The following GLIS3 variants were observed in gnomAD, a reference collection of about 807,000 sequenced individuals.
The protein encoded by GLIS3 is zinc finger protein GLIS3.
GLIS3 carries 53 observed loss-of-function variants against 78.6 expected under a neutral mutation model. That is an observed-to-expected ratio of 0.67 (90% CI 0.54 to 0.85). The LOEUF (loss-of-function observed/expected upper bound fraction) is 0.85. GLIS3 is among the 40% of genes least tolerant of loss of function. The pLI, the probability that GLIS3 is intolerant of heterozygous loss-of-function variation, is 0.00. For synonymous variants in GLIS3, 684 were observed against 509.9 expected, an observed-to-expected ratio of 1.34 and a Z score of -4.60; for missense variants, 1,703 against 1,231.1, an observed-to-expected ratio of 1.38 and a Z score of -5.74.
upstream of GLIS3, among the ~76,000 whole-genome samples, chr9:4,351,684 G>A (rs936974617): frequency 2.0e-5 from 3 of 152,098 alleles, no homozygotes; most frequent in African/African-American, 7.2e-5. Flanking sequence ...TTAAAAAAAT[G>A]TTGTTTTTCC....
At chr9:4,041,716 G>A (rs758400841) in intron 4 of GLIS3, among the ~76,000 whole-genome samples, 26 of 152,210 alleles carry the variant, frequency 1.7e-4, no homozygotes, top group African/African-American at 3.9e-4. Context: ...CTCTGAAAAC[G>A]TGAAGCTCTC....
At chr9:4,282,230 C>T (rs1242647950) in intron 2 of GLIS3, among the ~76,000 whole-genome samples, 1 of 152,046 alleles carries the variant, frequency 6.6e-6, no homozygotes, top group African/African-American at 2.4e-5. Context: ...TGTACCTTGC[C>T]CCAAAGCAAT....
At chr9:4,324,903 G>C (rs1817579620) in intron 2 of GLIS3, among the ~76,000 whole-genome samples, 1 of 152,134 alleles carries the variant, frequency 6.6e-6, no homozygotes, top group Non-Finnish European at 1.5e-5. Context: ...TACAACCTTA[G>C]GTAGTATCTT....
At chr9:4,338,162 A>G (rs1302944567) in intron 2 of GLIS3, among the ~76,000 whole-genome samples, 2 of 152,100 alleles carry the variant, frequency 1.3e-5, no homozygotes, top group African/African-American at 4.8e-5. Flanking sequence ...TCCTGACTAG[A>G]CAAGTTTCCT....
chr9:4,332,344 C>T (rs1817698864), intron 2 of GLIS3, among the ~76,000 whole-genome samples: 1 of 152,228 alleles, frequency 6.6e-6, no homozygotes, highest in African/African-American at 2.4e-5. Context: ...CTATCACCTT[C>T]TTCCTCTCAG....
intron 2 of GLIS3, among the ~76,000 whole-genome samples, chr9:4,332,464 G>T (rs1817700163): frequency 6.6e-6 from 1 of 152,146 alleles, no homozygotes; most frequent in African/African-American, 2.4e-5. Context: ...CCAGTACACA[G>T]AATCTTTTTC....
At chr9:4,383,079 T>G in the GLIS3 span, among the ~76,000 whole-genome samples, 3 of 152,202 alleles carry the variant, frequency 2.0e-5, no homozygotes, top group Non-Finnish European at 4.4e-5. Context: ...TAACTTGGGT[T>G]TTCTGAAAGG....
At chr9:4,372,401 T>C in the GLIS3 span, among the ~76,000 whole-genome samples, 489 of 152,226 alleles carry the variant, frequency 3.2e-3, 3 homozygotes, top group African/African-American at 0.011. Flanking sequence ...CTCCCATGGT[T>C]AGCTAATTCC....
upstream of GLIS3, among the ~76,000 whole-genome samples, chr9:4,300,334 T>C (rs1459836527): frequency 0.013 from 60 of 4,474 alleles, no homozygotes; most frequent in Admixed American, 0.19. Context: ...TTTGTTAAAC[T>C]GACTTATTTT....
the GLIS3 span, among the ~76,000 whole-genome samples, chr9:4,434,472 A>C: frequency 6.6e-6 from 1 of 152,202 alleles, no homozygotes; most frequent in Non-Finnish European, 1.5e-5. Flanking sequence ...AAAATAATAG[A>C]AGCTTTGGGG....
chr9:4,118,405 C>T lies in GLIS3; in HGVS notation c.1073G>A (p.Cys358Tyr), dbSNP rs560614098. 1.2e-6 allele frequency: 2 copies of T among 1,606,346 alleles called. No homozygotes were observed. Among genetic ancestry groups the T allele is most frequent in the East Asian group, 2.2e-5 (1 of 44,786 alleles). ...YGHFLGVRGS[C>Y]IPQPRPVPGS... is the part of the protein sequence containing the mutation. Reference sequence around the variant, plus strand: ...GGGCACCGGGCGCGGCTGGGGAATGCAGCTGCCGCGCACGCCCAGGAAATG... The same window carrying T: ...GGGCACCGGGCGCGGCTGGGGAATGTAGCTGCCGCGCACGCCCAGGAAATG... The change falls in exon 4 of 11, where the codon TGC becomes TAC. Residue 358 changes from cysteine (C) to tyrosine (Y), a missense_variant. Cys to Tyr is a radical substitution (Grantham distance 194, BLOSUM62 -2). Coordinates refer to ENST00000381971, the MANE Select transcript of GLIS3 (RefSeq NM_001042413.2). The surrounding 1 kb of genome is among the most constrained non-coding windows in gnomAD (Gnocchi z 4.7).
chr9:4,178,462 C>G (rs1414653632), intron 2 of GLIS3, among the ~76,000 whole-genome samples: 1 of 152,134 alleles, frequency 6.6e-6, no homozygotes, highest in Admixed American at 6.5e-5. Context: ...AGGGACGATA[C>G]TAGAAAAATC....
chr9:4,159,372 C>G (rs1304326481), intron 2 of GLIS3, among the ~76,000 whole-genome samples: 3 of 152,132 alleles, frequency 2.0e-5, no homozygotes, highest in Admixed American at 6.6e-5. Flanking sequence ...AGTTAATAGA[C>G]CATAGGCTCT....
the GLIS3 span, among the ~76,000 whole-genome samples, chr9:4,407,462 T>A: frequency 2.0e-5 from 3 of 152,018 alleles, no homozygotes; most frequent in Admixed American, 2.0e-4. Context: ...TGGCTAACAC[T>A]GTGAAACCCC....
At chr9:4,354,030 G>T in the GLIS3 span, among the ~76,000 whole-genome samples, 3 of 146,908 alleles carry the variant, frequency 2.0e-5, no homozygotes, top group Non-Finnish European at 4.5e-5. Flanking sequence ...TAGAGACAGG[G>T]TCTCACCGTG....
the GLIS3 span, among the ~76,000 whole-genome samples, chr9:4,437,677 G>A: frequency 3.3e-5 from 5 of 152,150 alleles, no homozygotes; most frequent in South Asian, 2.1e-4. Context: ...TACCAAGTGT[G>A]CCTGCCTTCC....
intron 6 of GLIS3, among the ~76,000 whole-genome samples, chr9:3,901,989 C>A (rs1441293283): frequency 1.3e-5 from 2 of 152,186 alleles, no homozygotes; most frequent in Non-Finnish European, 2.9e-5. Context: ...GGATGCTTTT[C>A]TGCTTTCTAT....
At chr9:4,218,250 T>C (rs779813927) in intron 2 of GLIS3, among the ~76,000 whole-genome samples, 1 of 152,200 alleles carries the variant, frequency 6.6e-6, no homozygotes, top group Admixed American at 6.5e-5. Context: ...CCATCTCCAC[T>C]GCAACCACCA....
intron 2 of GLIS3, among the ~76,000 whole-genome samples, chr9:4,175,955 G>T (rs909222797): frequency 1.1e-4 from 17 of 152,152 alleles, no homozygotes; most frequent in Non-Finnish European, 2.4e-4. Flanking sequence ...TTGAAATCCA[G>T]GGCTTCTCCT....
Sources: gnomAD v4.1 joint callset for allele counts (sites outside exome capture counted in the v4.1 genomes callset) on GRCh38, gnomAD v4.1.1 for gene constraint, Gnocchi (gnomAD v3.1) non-coding constraint, MANE v1.5 for transcripts, NCBI Gene and HGNC (gene_info 2026-07-23, HGNC 2026-07-21) for gene names.